The following PDZRN4 variants were observed in gnomAD, a reference collection of about 807,000 sequenced individuals.
PDZRN4 encodes PDZ domain-containing RING finger protein 4.
PDZRN4 carries 70 observed loss-of-function variants against 99.0 expected under a neutral mutation model. The observed-to-expected ratio is 0.71, with a 90% CI of 0.58 to 0.86. The LOEUF is 0.86. PDZRN4 is among the 40% of genes least tolerant of loss of function. The pLI is 0.00. For missense variants in PDZRN4, 1,474 were observed against 1,331.2 expected (o/e 1.11, Z -1.67); for synonymous variants, 551 against 501.6 (o/e 1.10, Z -1.32).
chr12:41,219,206 G>T (rs1292197547), intron 3 of PDZRN4, among the ~76,000 whole-genome samples: 7 of 152,010 alleles, frequency 4.6e-5, no homozygotes, highest in Admixed American at 4.6e-4. Flanking sequence ...AAAGCTTAAA[G>T]AAGATACCCT....
Position 41,573,817 on chromosome 12 carries a change from T to G in PDZRN4, c.3038T>G (p.Leu1013Arg), listed in dbSNP as rs533386950. Residue 1013 changes from leucine (L) to arginine (R), a missense_variant, in exon 10 of 10, where the codon CTG becomes CGG. Leu to Arg is a moderately radical substitution (Grantham distance 102, BLOSUM62 -2). Transcript: ENST00000402685. ...GACAACTGGATGACAATCCAAGAAC[T>G]GATGACCCATGGGGCCAAGTCTCCA... ...ILDNWMTIQE[L>R]MTHGAKSPDG... 1.4e-5 allele frequency: 23 copies of G among 1,611,492 alleles called. No individual in the cohort carries two copies. The Admixed American group carries it at 3.2e-4, about 22-fold the overall frequency.
chr12:41,270,364 T>C (rs1317572191), intron 3 of PDZRN4, among the ~76,000 whole-genome samples: 1 of 150,758 alleles, frequency 6.6e-6, no homozygotes, highest in African/African-American at 2.4e-5. Context: ...AATTAGATTG[T>C]TAATGCATGT....
At chr12:41,517,571 G>A (rs1438560015) in intron 5 of PDZRN4, among the ~76,000 whole-genome samples, 1 of 152,040 alleles carries the variant, frequency 6.6e-6, no homozygotes. Flanking sequence ...TAGAGTGGAA[G>A]GAAACAGACT....
At chr12:41,399,082 C>G (rs1034619089) in intron 3 of PDZRN4, among the ~76,000 whole-genome samples, 1 of 151,858 alleles carries the variant, frequency 6.6e-6, no homozygotes, top group Non-Finnish European at 1.5e-5. Flanking sequence ...AAACAGAAAA[C>G]TAGAAAGGTC....
intron 3 of PDZRN4, among the ~76,000 whole-genome samples, chr12:41,400,561 T>C (rs1952282234): frequency 6.6e-6 from 1 of 152,152 alleles, no homozygotes; most frequent in African/African-American, 2.4e-5. Context: ...TGTTCTGTTT[T>C]GTTCTGGGAC....
At chr12:41,493,475 C>T (rs1421380927) in intron 3 of PDZRN4, among the ~76,000 whole-genome samples, 2 of 152,142 alleles carry the variant, frequency 1.3e-5, no homozygotes, top group Non-Finnish European at 2.9e-5. Context: ...TGTGATGACT[C>T]TATTTGGTGG....
chr12:41,366,677 AG>A (rs1205005389), intron 3 of PDZRN4, among the ~76,000 whole-genome samples: 1 of 152,108 alleles, frequency 6.6e-6, no homozygotes. Flanking sequence ...ACAGAGAAAA[AG>A]GTTAGACAAA....
At chr12:41,546,478 C>T (rs546579100) in intron 5 of PDZRN4, among the ~76,000 whole-genome samples, 1 of 152,112 alleles carries the variant, frequency 6.6e-6, no homozygotes, top group Non-Finnish European at 1.5e-5. Context: ...ACATACTGTA[C>T]GATCTCAGTC....
At chr12:41,348,496 G>T (rs1951869667) in intron 3 of PDZRN4, among the ~76,000 whole-genome samples, 1 of 152,072 alleles carries the variant, frequency 6.6e-6, no homozygotes, top group Non-Finnish European at 1.5e-5. Flanking sequence ...CTACAGATTT[G>T]CAGTAAAAGT....
At chr12:41,376,032 A>G (rs1952076739) in intron 3 of PDZRN4, among the ~76,000 whole-genome samples, 1 of 152,154 alleles carries the variant, frequency 6.6e-6, no homozygotes, top group African/African-American at 2.4e-5. Context: ...ACTTAGCATA[A>G]TGCCTTCAAG....
intron 4 of PDZRN4, among the ~76,000 whole-genome samples, chr12:41,508,067 G>A (rs1288244502): frequency 6.6e-6 from 1 of 152,064 alleles, no homozygotes; most frequent in African/African-American, 2.4e-5. Flanking sequence ...TATTCCAAAC[G>A]TTTTGCATTT....
intron 3 of PDZRN4, among the ~76,000 whole-genome samples, chr12:41,301,295 A>AT (rs1951534018): frequency 6.6e-6 from 1 of 152,000 alleles, no homozygotes; most frequent in Admixed American, 6.6e-5. Context: ...AGTGTTTTAC[A>AT]TTTAATACAT....
chr12:41,468,785 C>G (rs1952955451), intron 3 of PDZRN4, among the ~76,000 whole-genome samples: 1 of 152,120 alleles, frequency 6.6e-6, no homozygotes, highest in Non-Finnish European at 1.5e-5. Flanking sequence ...CTAGAGTGGA[C>G]AAAAATAATC....
In PDZRN4 at chr12:41,370,762, T is replaced by G. The variant is rs74077553; in HGVS notation, c.844-135694T>G. ...TGCTTTTAATCACTCTGGATTGCCTTCTCTTTAATTTCCTCATATCTATCT... is the reference window on the plus strand; with the variant it reads ...TGCTTTTAATCACTCTGGATTGCCTGCTCTTTAATTTCCTCATATCTATCT... On this transcript the variant is annotated intron_variant, in intron 3 of 9. Coordinates refer to ENST00000402685, the MANE Select transcript of PDZRN4 (RefSeq NM_001164595.2). Among the ~76,000 whole-genome samples the G allele has an allele frequency of 3.9e-3, 589 of 152,098 alleles. 1 individual carries two copies. The highest frequency in any genetic ancestry group is 0.014 in the African/African-American group (569 of 41,554).
At chr12:41,509,659 T>C in intron 4 of PDZRN4, 152 bp from the exon 5 acceptor site, 1 of 465,356 alleles carries the variant, frequency 2.1e-6, no homozygotes, top group Non-Finnish European at 3.8e-6. Context: ...AGAAAAGCTA[T>C]TGCTTTTCCT....
At chr12:41,436,423 A>C (rs1268784040) in intron 3 of PDZRN4, among the ~76,000 whole-genome samples, 1 of 152,202 alleles carries the variant, frequency 6.6e-6, no homozygotes, top group Non-Finnish European at 1.5e-5. Context: ...AACATGTGAC[A>C]AAGCACTTTT....
intron 3 of PDZRN4, among the ~76,000 whole-genome samples, chr12:41,264,135 TA>T (rs768352141): frequency 7.6e-4 from 115 of 152,272 alleles, no homozygotes; most frequent in Admixed American, 1.3e-3. Flanking sequence ...TATAATTACT[TA>T]AGGCTGTAGG....
rs1240582771 is a variant in PDZRN4, at chr12:41,188,627, C to A, written c.172C>A (p.Pro58Thr). Residue 58 changes from proline (P) to threonine (T), a missense_variant, in exon 1 of 10, where the codon CCC becomes ACC. Coordinates refer to ENST00000402685, the MANE Select transcript of PDZRN4 (RefSeq NM_001164595.2). ...RRRRCPLQCQ[P>T]LAPGELYRVL... ...GCGCCGGTGCCCGCTGCAGTGCCAG[C>A]CCTTGGCGCCCGGCGAGCTGTACCG... is the stretch of plus-strand genomic sequence containing the variant. 6.5e-7 allele frequency: 1 copy of A among 1,539,822 alleles called. No individual in the cohort carries two copies. The highest frequency in any genetic ancestry group is 2.4e-5 in the East Asian group (1 of 41,202).
chr12:41,332,681 A>G (rs918791032), intron 3 of PDZRN4, among the ~76,000 whole-genome samples: 5 of 148,662 alleles, frequency 3.4e-5, no homozygotes, highest in Admixed American at 1.3e-4. Context: ...CCAAGAACTG[A>G]GTACAAACTA....
Sources: gnomAD v4.1 joint callset for allele counts (sites outside exome capture counted in the v4.1 genomes callset) on GRCh38, gnomAD v4.1.1 for gene constraint, MANE v1.5 for transcripts, NCBI Gene and HGNC (gene_info 2026-07-23, HGNC 2026-07-21) for gene names.